KDM3A: variants seen among roughly 807,000 people sequenced by gnomAD.
KDM3A encodes lysine-specific demethylase 3A.
In KDM3A, 60 loss-of-function variants were observed where a neutral mutation model predicts 158.0. That is an observed-to-expected ratio of 0.38 (90% CI 0.31 to 0.47). The LOEUF is 0.47. KDM3A is among the 20% of genes least tolerant of loss of function. The pLI is 0.99. For synonymous variants in KDM3A, 608 were observed against 549.3 expected (o/e 1.11, Z -1.49); for missense variants, 1,319 against 1,574.3 (o/e 0.84, Z 2.74).
intron 2 of KDM3A, chr2:86,442,469 C>G (rs970483107): frequency 2.3e-6 from 1 of 442,172 alleles, no homozygotes; most frequent in Non-Finnish European, 4.1e-6. Context: ...TGTTCAGACA[C>G]GCTTCATTAA....
Position 86,485,775 on chromosome 2 carries a change from C to T in KDM3A, c.3229C>T (p.Arg1077Ter). 6.2e-7 allele frequency: 1 copy of T among 1,614,050 alleles called. No individual in the cohort carries two copies. The highest frequency in any genetic ancestry group is 8.5e-7 in the Non-Finnish European group (1 of 1,179,978). ...ANIPLPEYTR[R>*]DGKLNLASRL... ...CATTCCACTGCCCGAGTACACAAGG[C>T]GAGATGGCAAACTGAATTTGGCCTC... Residue 1077 changes from arginine to a stop codon, truncating the protein, a stop_gained, in exon 21 of 26, where the codon CGA becomes TGA. Coordinates refer to ENST00000312912, the MANE Select transcript of KDM3A (RefSeq NM_018433.6). LOFTEE classifies it high-confidence loss of function.
At chr2:86,445,438 C>T (rs1031178964) in intron 2 of KDM3A, among the ~76,000 whole-genome samples, 2 of 152,144 alleles carry the variant, frequency 1.3e-5, no homozygotes, top group African/African-American at 4.8e-5. Context: ...CATAATTATG[C>T]GTGGTGGGAA....
At chr2:86,465,086 C>T (rs984429339) in intron 9 of KDM3A, among the ~76,000 whole-genome samples, 11 of 152,074 alleles carry the variant, frequency 7.2e-5, no homozygotes, top group African/African-American at 2.7e-4. Context: ...AAATTCTTCT[C>T]CAGGGTGAAG....
rs1358793938 is a variant in KDM3A, at chr2:86,492,254, TG to T, written c.*136del. 1 of 647,642 alleles carries T rather than the reference TG, an allele frequency of 1.5e-6. No homozygotes were observed. The highest frequency in any genetic ancestry group is 2.8e-6 in the Non-Finnish European group (1 of 362,028). 40.1% of individuals were successfully genotyped at this position (647,642 alleles called of 1,614,324 possible). On this transcript the variant is annotated 3_prime_UTR_variant, in exon 26 of 26. Coordinates refer to ENST00000312912, the MANE Select transcript of KDM3A (RefSeq NM_018433.6). ...CAACTTGTGAGGGTACTCTGTCTAA[TG>T]TATATTTCTAGTGTTTACAGACAGT...
intron 12 of KDM3A, among the ~76,000 whole-genome samples, chr2:86,477,094 G>T (rs1433908597): frequency 6.6e-6 from 1 of 152,216 alleles, no homozygotes; most frequent in South Asian, 2.1e-4. Context: ...TAGGGGAAGG[G>T]TTCAATGGCC....
chr2:86,473,234 C>T (rs1047622173), intron 11 of KDM3A, among the ~76,000 whole-genome samples: 5 of 152,228 alleles, frequency 3.3e-5, no homozygotes, highest in Admixed American at 2.0e-4. Flanking sequence ...TCATAGCTCA[C>T]TGTGTAACCT....
chr2:86,473,747 T>A (rs542866944), intron 11 of KDM3A, among the ~76,000 whole-genome samples: 20 of 152,138 alleles, frequency 1.3e-4, no homozygotes, highest in African/African-American at 4.8e-4. Flanking sequence ...AGAGCCTGTC[T>A]CAAAAAGAAA....
rs755833831 is a variant in KDM3A, at chr2:86,442,006, G to C, written c.-30-12G>C. 2 of 1,570,796 alleles carry C rather than the reference G, an allele frequency of 1.3e-6. No homozygotes were observed. Among genetic ancestry groups the C allele is most frequent in the Non-Finnish European group, 8.7e-7 (1 of 1,153,988 alleles). ...GCCGCCCCCGTCGCATTTTGTTTTTGTGTTTTTGCAGGGAGGAGCTCTTCC... is the reference window on the plus strand; with the variant it reads ...GCCGCCCCCGTCGCATTTTGTTTTTCTGTTTTTGCAGGGAGGAGCTCTTCC... On this transcript the variant is annotated splice_polypyrimidine_tract_variant and intron_variant, in intron 1 of 25. Transcript: ENST00000312912.
intron 19 of KDM3A, 122 bp downstream of exon 19, chr2:86,484,280 T>C (rs1234658489): frequency 1.3e-6 from 1 of 770,764 alleles, no homozygotes; most frequent in Non-Finnish European, 2.1e-6. Flanking sequence ...AGTTTAAAAT[T>C]AACGTCTCTC....
intron 10 of KDM3A, among the ~76,000 whole-genome samples, chr2:86,467,788 C>T (rs1254966424): frequency 6.6e-6 from 1 of 152,168 alleles, no homozygotes; most frequent in African/African-American, 2.4e-5. Flanking sequence ...TGGGAGACCA[C>T]TGTGGGAGGA....
At position 86,443,762 on chromosome 2, in the gene KDM3A, G is replaced by A. The variant is rs138402212; in HGVS notation, c.186+1529G>A. ...TGAGGTTTGGTTTTTTCCTGCATTC[G>A]GCTCATTCTCCTGCCAAATCAGGTT... On this transcript the variant is annotated intron_variant, in intron 2 of 25. Transcript: ENST00000312912. Among the ~76,000 whole-genome samples the A allele has an allele frequency of 8.0e-4, 122 of 152,122 alleles. 1 individual carries two copies. The East Asian group carries it at 0.019, about 24-fold the overall frequency.
intron 20 of KDM3A, among the ~76,000 whole-genome samples, chr2:86,485,452 A>G (rs748554190): frequency 6.6e-6 from 1 of 152,230 alleles, no homozygotes; most frequent in Non-Finnish European, 1.5e-5. Context: ...CAACTAATCA[A>G]TGATATATCT....
At chr2:86,467,597 G>A (rs565037913) in intron 10 of KDM3A, among the ~76,000 whole-genome samples, 1 of 152,294 alleles carries the variant, frequency 6.6e-6, no homozygotes, top group African/African-American at 2.4e-5. Flanking sequence ...AATGGTGGTA[G>A]TTATCAGAAG....
intron 14 of KDM3A, 67 bp from the exon 15 acceptor site, chr2:86,478,541 T>C (rs919394702): frequency 1.3e-6 from 2 of 1,552,658 alleles, no homozygotes; most frequent in South Asian, 1.2e-5. Flanking sequence ...CAGCTTCTGC[T>C]CTGTAATGTT....
chr2:86,471,246 AATATATGTGTGTAT>A (rs1673385431), intron 11 of KDM3A, among the ~76,000 whole-genome samples: 1 of 151,342 alleles, frequency 6.6e-6, no homozygotes, highest in African/African-American at 2.4e-5. Context: ...TGTATATGTG[AATATATGTGTGTAT>A]ATATATGTGT....
Position 86,489,395 on chromosome 2 carries a change from G to A in KDM3A, c.3391G>A (p.Val1131Ile), listed in dbSNP as rs113985244. The A allele has an allele frequency of 2.9e-3, 4,676 of 1,614,050 alleles. 31 individuals carry two copies. The highest frequency in any genetic ancestry group is 0.014 in the South Asian group (1,233 of 91,058). The change falls in exon 22 of 26, where the codon GTC becomes ATC. Residue 1131 changes from valine (V) to isoleucine (I), a missense_variant. Around this residue, in one of 4 missense-constraint regions of KDM3A, gnomAD observed 186 missense variants for 340.9 expected, o/e 0.55. Coordinates refer to ENST00000312912, the MANE Select transcript of KDM3A (RefSeq NM_018433.6). The stretch of plus-strand genomic sequence containing the variant: ...TGTATCTGATGCAGCTAATGTCATG[G>A]TCTATGTGGGAATTCCCAAAGGACA... Reference protein sequence around the residue: ...LDVSDAANVMVYVGIPKGQCE... With the variant: ...LDVSDAANVMIYVGIPKGQCE...
chr2:86,489,586 A>G lies in KDM3A; in HGVS notation c.3500A>G (p.Lys1167Arg), dbSNP rs1033420462. The G allele has an allele frequency of 1.2e-6, 2 of 1,614,106 alleles. No homozygotes were observed. Among genetic ancestry groups the G allele is most frequent in the Non-Finnish European group, 1.7e-6 (2 of 1,180,008 alleles). The change falls in exon 23 of 26, where the codon AAA becomes AGA. Residue 1167 changes from lysine (K) to arginine (R), a missense_variant. Physicochemically the swap from Lys to Arg is conservative, Grantham distance 26. Around this residue, in one of 4 missense-constraint regions of KDM3A, gnomAD observed 186 missense variants for 340.9 expected, o/e 0.55. Transcript: ENST00000312912. ...ACAATAAAGCGATTTATTGAAGGAA[A>G]AGAGAAGCCAGGAGCACTGTGGCAC... Reference protein sequence around the residue: ...ELTIKRFIEGKEKPGALWHIY... With the variant: ...ELTIKRFIEGREKPGALWHIY...
At chr2:86,491,578 T>C in intron 25 of KDM3A, 1 of 401,320 alleles carries the variant, frequency 2.5e-6, no homozygotes, top group Non-Finnish European at 4.6e-6. Context: ...CCTGTCGGGG[T>C]CTTGAACACA....
chr2:86,480,253 A>T lies in KDM3A; in HGVS notation c.2403A>T (p.Glu801Asp), dbSNP rs767422964. 6.2e-7 allele frequency: 1 copy of T among 1,613,784 alleles called. No homozygotes were observed. ...TGGAGCCAGCAGCTGTGGGTGGGGA[A>T]GCAGCCTCCAAGCCAGCCGGCAGCA... Reference protein sequence around the residue: ...SVLEPAAVGGEAASKPAGSMK... With the variant: ...SVLEPAAVGGDAASKPAGSMK... Residue 801 changes from glutamate to aspartate, a missense_variant, in exon 16 of 26, where the codon GAA becomes GAT. Glu to Asp is a conservative substitution (Grantham distance 45). Coordinates refer to ENST00000312912, the MANE Select transcript of KDM3A (RefSeq NM_018433.6).
Sources: gnomAD v4.1 joint callset for allele counts (sites outside exome capture counted in the v4.1 genomes callset) on GRCh38, gnomAD v4.1.1 for gene constraint, gnomAD v4.1.1 regional missense constraint, MANE v1.5 for transcripts, NCBI Gene and HGNC (gene_info 2026-07-23, HGNC 2026-07-21) for gene names.